Variants in RANBP2 observed in about 807,000 individuals in gnomAD.
The protein encoded by RANBP2 is E3 SUMO-protein ligase RanBP2.
In RANBP2, 57 loss-of-function variants were observed where a neutral mutation model predicts 303.6. That is an observed-to-expected ratio of 0.19 (90% CI 0.15 to 0.23). RANBP2 has a LOEUF of 0.23. Among genes scored for constraint, RANBP2 ranks in the 10% least tolerant of loss-of-function variants. The probability of loss-of-function intolerance (pLI) is 1.00; values close to 1 mark genes in which losing one functional copy is unlikely to be tolerated. For missense variants in RANBP2, 3,138 were observed against 3,780.8 expected (o/e 0.83, Z 4.46); for synonymous variants, 1,167 against 1,301.5 (o/e 0.90, Z 2.23).
the RANBP2 span, among the ~76,000 whole-genome samples, chr2:108,955,867 AAAATAC>A: frequency 3.3e-5 from 5 of 152,054 alleles, no homozygotes; most frequent in African/African-American, 9.7e-5. Flanking sequence ...TGTACTAAAA[AAAATAC>A]AAAAAATTAG....
the RANBP2 span, among the ~76,000 whole-genome samples, chr2:109,458,064 C>T: frequency 2.0e-5 from 3 of 152,092 alleles, no homozygotes; most frequent in African/African-American, 4.8e-5. Context: ...GTGCAGGAGC[C>T]GGGGAGGGCA....
the RANBP2 span, chr2:109,615,696 G>C: frequency 1.9e-6 from 3 of 1,613,898 alleles, no homozygotes; most frequent in Non-Finnish European, 2.5e-6. Flanking sequence ...GGGTGACGGG[G>C]AAAGCGCCGC....
At chr2:109,467,936 T>C in the RANBP2 span, among the ~76,000 whole-genome samples, 2 of 152,162 alleles carry the variant, frequency 1.3e-5, no homozygotes, top group African/African-American at 4.8e-5. Flanking sequence ...CCTGTGAACA[T>C]GCTCCACCTC....
the RANBP2 span, among the ~76,000 whole-genome samples, chr2:109,417,481 G>A: frequency 0.1 from 15,310 of 152,176 alleles, 979 homozygotes; most frequent in East Asian, 0.3. Flanking sequence ...GTTCTCACAC[G>A]GTGCTCAGCC....
intron 4 of RANBP2, among the ~76,000 whole-genome samples, chr2:108,733,257 CTTTTTT>C (rs34665362): frequency 2.7e-3 from 231 of 85,010 alleles, no homozygotes; most frequent in Non-Finnish European, 4.3e-3. Flanking sequence ...TAACCATTCC[CTTTTTT>C]TTTTTTTTTT....
chr2:109,690,704 C>T, the RANBP2 span, among the ~76,000 whole-genome samples: 18 of 151,584 alleles, frequency 1.2e-4, no homozygotes, highest in East Asian at 3.1e-3. Context: ...GCCTTCCAGA[C>T]GTTCACCATC....
the RANBP2 span, among the ~76,000 whole-genome samples, chr2:109,123,980 TTTTATTTATTTATTTATTTA>T: frequency 3.9e-4 from 58 of 147,594 alleles, no homozygotes; most frequent in South Asian, 6.5e-3. Context: ...TTCTTTTCAG[TTTTATTTATTTATTTATTTA>T]TTTATTTATT....
At chr2:109,281,966 A>G in the RANBP2 span, among the ~76,000 whole-genome samples, 63 of 152,172 alleles carry the variant, frequency 4.1e-4, no homozygotes, top group African/African-American at 1.3e-3. Context: ...CAGAAGCCCA[A>G]TGGCCGAGCG....
At chr2:109,424,631 T>C in the RANBP2 span, among the ~76,000 whole-genome samples, 359 of 152,352 alleles carry the variant, frequency 2.4e-3, no homozygotes, top group African/African-American at 7.9e-3. Flanking sequence ...TTTATGGTGA[T>C]GTGATCAGTG....
At chr2:108,928,404 C>T in the RANBP2 span, among the ~76,000 whole-genome samples, 3 of 152,154 alleles carry the variant, frequency 2.0e-5, no homozygotes, top group Admixed American at 1.3e-4. Flanking sequence ...GCCTTATGCA[C>T]TAAGCTGTGG....
At chr2:109,136,170 T>C in the RANBP2 span, among the ~76,000 whole-genome samples, 4 of 152,220 alleles carry the variant, frequency 2.6e-5, no homozygotes, top group African/African-American at 7.2e-5. Flanking sequence ...CATTTCCGTT[T>C]GATCTGTATT....
the RANBP2 span, among the ~76,000 whole-genome samples, chr2:109,043,279 T>G: frequency 7.2e-5 from 11 of 152,212 alleles, no homozygotes; most frequent in Admixed American, 3.3e-4. Flanking sequence ...AAATTACCTC[T>G]GACTTACAGT....
chr2:109,080,871 T>C, the RANBP2 span, among the ~76,000 whole-genome samples: 2 of 152,172 alleles, frequency 1.3e-5, no homozygotes, highest in African/African-American at 4.8e-5. Context: ...TCTGGATGAT[T>C]TAAAAGGAAC....
At chr2:109,552,357 C>A in the RANBP2 span, among the ~76,000 whole-genome samples, 1 of 152,170 alleles carries the variant, frequency 6.6e-6, no homozygotes, top group Non-Finnish European at 1.5e-5. Flanking sequence ...TCAGGGCAAA[C>A]AACCACCCCA....
chr2:109,680,563 A>C, the RANBP2 span, among the ~76,000 whole-genome samples: 1 of 152,202 alleles, frequency 6.6e-6, no homozygotes, highest in Non-Finnish European at 1.5e-5. Flanking sequence ...AATGTTAAAA[A>C]TGTGTGTTGA....
At chr2:109,418,506 G>T in the RANBP2 span, among the ~76,000 whole-genome samples, 1 of 152,082 alleles carries the variant, frequency 6.6e-6, no homozygotes, top group South Asian at 2.1e-4. Flanking sequence ...TCGGCTTGTG[G>T]ATGCATCACT....
chr2:109,599,376 T>C, the RANBP2 span, among the ~76,000 whole-genome samples: 1 of 149,086 alleles, frequency 6.7e-6, no homozygotes. Flanking sequence ...AAGAACTGCT[T>C]GAACTCAGGA....
the RANBP2 span, among the ~76,000 whole-genome samples, chr2:109,123,914 A>T: frequency 1.3e-5 from 2 of 152,204 alleles, no homozygotes; most frequent in Admixed American, 1.3e-4. Flanking sequence ...ATTAACTCCC[A>T]TGGACATAAC....
At chr2:108,946,731 AACTC>A in the RANBP2 span, among the ~76,000 whole-genome samples, 14 of 152,202 alleles carry the variant, frequency 9.2e-5, no homozygotes, top group East Asian at 1.5e-3. Flanking sequence ...ATCTCATGAG[AACTC>A]ACTCACTATC....
Sources: gnomAD v4.1 joint callset for allele counts (sites outside exome capture counted in the v4.1 genomes callset) on GRCh38, gnomAD v4.1.1 for gene constraint, MANE v1.5 for transcripts, NCBI Gene and HGNC (gene_info 2026-07-23, HGNC 2026-07-21) for gene names.